PMVK: variants seen among roughly 807,000 people sequenced by gnomAD.
The protein encoded by PMVK is phosphomevalonate kinase.
Under a neutral mutation model 19.0 loss-of-function variants are expected in PMVK, and 10 were observed. That is an observed-to-expected ratio of 0.53 (90% CI 0.32 to 0.89). The LOEUF is 0.89. Ranked by LOEUF, PMVK falls within the 40% of genes least tolerant of loss-of-function variation. The pLI is 0.03. For missense variants in PMVK, 222 were observed against 251.1 expected (o/e 0.88, Z 0.78); for synonymous variants, 108 against 101.6 (o/e 1.06, Z -0.38).
At chr1:154,926,027 C>T (rs2101965255) in intron 4 of PMVK, among the ~76,000 whole-genome samples, 1 of 152,350 alleles carries the variant, frequency 6.6e-6, no homozygotes, top group African/African-American at 2.4e-5. Context: ...ACTTCTAACT[C>T]CACTACTGTG....
At chr1:154,930,712 C>T (rs2101969480) in intron 2 of PMVK, among the ~76,000 whole-genome samples, 1 of 151,888 alleles carries the variant, frequency 6.6e-6, no homozygotes, top group East Asian at 1.9e-4. Flanking sequence ...CACCACCCTG[C>T]AGCATCGCTC....
At chr1:154,940,474 T>G (rs1421659835), upstream of PMVK, among the ~76,000 whole-genome samples, 1 of 152,144 alleles carries the variant, frequency 6.6e-6, no homozygotes, top group African/African-American at 2.4e-5. Context: ...AGCCATCCCC[T>G]CAGACCTGCA....
At chr1:154,928,232 C>T (rs1211438305) in intron 3 of PMVK, among the ~76,000 whole-genome samples, 1 of 152,140 alleles carries the variant, frequency 6.6e-6, no homozygotes, top group African/African-American at 2.4e-5. Flanking sequence ...AAAGAAAGGG[C>T]AGTCCAGACA....
At chr1:154,935,260 G>C in intron 1 of PMVK, among the ~76,000 whole-genome samples, 1 of 152,022 alleles carries the variant, frequency 6.6e-6, no homozygotes. Flanking sequence ...GAGATACTTA[G>C]TGATGAAAAA....
chr1:154,928,897 T>C, intron 3 of PMVK, 127 bp downstream of exon 3: 2 of 875,412 alleles, frequency 2.3e-6, no homozygotes, highest in Non-Finnish European at 1.8e-6. Flanking sequence ...TGGAGGCTAC[T>C]GCGACTGTCC....
In PMVK at chr1:154,925,038, A is replaced by T; in HGVS notation, c.*91T>A. ...TCTAGACCCCCCCTGTCTGTTCCTCACCTCGGCCAGGATCGGGGGACACCC... is the reference window on the plus strand; with the variant it reads ...TCTAGACCCCCCCTGTCTGTTCCTCTCCTCGGCCAGGATCGGGGGACACCC... On this transcript the variant is annotated 3_prime_UTR_variant, in exon 5 of 5. Transcript: ENST00000368467. The T allele has an allele frequency of 1.3e-6, 1 of 784,694 alleles. No individual in the cohort carries two copies. The highest frequency in any genetic ancestry group is 1.7e-6 in the Non-Finnish European group (1 of 588,714). 48.6% of individuals were successfully genotyped at this position (784,694 alleles called of 1,614,324 possible).
intron 1 of PMVK, among the ~76,000 whole-genome samples, chr1:154,934,297 C>T (rs923550524): frequency 4.6e-5 from 7 of 152,170 alleles, no homozygotes; most frequent in Admixed American, 6.5e-5. Flanking sequence ...CTGCGCCCAA[C>T]GATAAGTGTT....
upstream of PMVK, chr1:154,936,978 C>T (rs1654529892): frequency 8.5e-6 from 3 of 354,674 alleles, no homozygotes; most frequent in Admixed American, 1.2e-4. Flanking sequence ...AGTCCAGCCC[C>T]GCCCAGAACC....
At position 154,926,249 on chromosome 1, in the gene PMVK, T is replaced by G. The variant is rs945311633; in HGVS notation, c.442+105A>C. The G allele has an allele frequency of 3.7e-6, 4 of 1,093,486 alleles. No individual in the cohort carries two copies. In the South Asian group the frequency reaches 6.2e-5, roughly 17 times the overall value. 67.7% of individuals were successfully genotyped at this position (1,093,486 alleles called of 1,614,324 possible). On this transcript the variant is annotated intron_variant, in intron 4 of 4. Coordinates refer to ENST00000368467, the MANE Select transcript of PMVK (RefSeq NM_006556.4). ...TACTCCCTAATCAGGAGGCCTCAGA[T>G]TCTCCTTTATCATCCCTTATTCACT...
chr1:154,932,446 G>A, intron 1 of PMVK, 31 bp from the exon 2 acceptor site: 1 of 1,540,464 alleles, frequency 6.5e-7, no homozygotes, highest in South Asian at 1.2e-5. Flanking sequence ...AATCCAGTTA[G>A]CCTAGAATTT....
upstream of PMVK, chr1:154,936,750 G>A: frequency 2.2e-6 from 3 of 1,374,936 alleles, no homozygotes; most frequent in Non-Finnish European, 3.0e-6. Flanking sequence ...TCGGGACACC[G>A]CGCGGAATGG....
intron 4 of PMVK, 37 bp from the exon 5 acceptor site, chr1:154,925,302 T>C: frequency 1.2e-6 from 2 of 1,611,544 alleles, no homozygotes; most frequent in Non-Finnish European, 1.7e-6. Flanking sequence ...GCCTCAGCCC[T>C]CCAGACAGAC....
At chr1:154,934,790 T>C (rs2101973307) in intron 1 of PMVK, among the ~76,000 whole-genome samples, 1 of 152,034 alleles carries the variant, frequency 6.6e-6, no homozygotes, top group East Asian at 1.9e-4. Flanking sequence ...CCAGGTGCGG[T>C]GGTGGTTCAC....
At chr1:154,941,861 G>A in the PMVK span, among the ~76,000 whole-genome samples, 1 of 152,152 alleles carries the variant, frequency 6.6e-6, no homozygotes, top group African/African-American at 2.4e-5. Context: ...CCTGGAGGAG[G>A]CACAGGGCCA....
rs116604782 is a variant in PMVK at position 154,932,016 on chromosome 1, T to C, written c.159+336A>G. On this transcript the variant is annotated intron_variant, in intron 2 of 4. Transcript: ENST00000368467. ...TACTAAATTTCTAGGAGCAAAGTTCTAGGGGCTGTGTCAGGCCAGCTGAGT... is the reference window on the plus strand; with the variant it reads ...TACTAAATTTCTAGGAGCAAAGTTCCAGGGGCTGTGTCAGGCCAGCTGAGT... Among the ~76,000 whole-genome samples, 226 of 152,206 alleles carry C rather than the reference T, an allele frequency of 1.5e-3. 2 individuals carry two copies. The highest frequency in any genetic ancestry group is 5.2e-3 in the African/African-American group (216 of 41,528).
At chr1:154,940,893 A>G (rs1432126276), upstream of PMVK, among the ~76,000 whole-genome samples, 2 of 152,122 alleles carry the variant, frequency 1.3e-5, no homozygotes, top group Admixed American at 1.3e-4. Context: ...TTTCCCCCTT[A>G]GAGGTTAAGT....
At chr1:154,925,475 T>A (rs1356292653) in intron 4 of PMVK, among the ~76,000 whole-genome samples, 3 of 152,168 alleles carry the variant, frequency 2.0e-5, no homozygotes, top group South Asian at 4.1e-4. Context: ...TCTCAGCTGA[T>A]CCCTCCTGAC....
chr1:154,941,113 G>A (rs549699626), upstream of PMVK, among the ~76,000 whole-genome samples: 3 of 152,332 alleles, frequency 2.0e-5, no homozygotes, highest in South Asian at 6.2e-4. Flanking sequence ...CCACTCTGGG[G>A]TTTCCGACTT....
intron 1 of PMVK, among the ~76,000 whole-genome samples, chr1:154,933,638 C>T (rs538979889): frequency 2.5e-4 from 37 of 150,592 alleles, no homozygotes; most frequent in African/African-American, 8.8e-4. Flanking sequence ...GGATTACAGG[C>T]GCCCGCCACT....
Sources: allele counts gnomAD v4.1 joint callset (sites outside exome capture counted in the v4.1 genomes callset), GRCh38; gene constraint gnomAD v4.1.1; transcripts MANE v1.5; gene names NCBI Gene and HGNC (gene_info 2026-07-23, HGNC 2026-07-21).